The following MAGI3 variants were observed in gnomAD, a reference collection of about 807,000 sequenced individuals.
MAGI3 encodes membrane associated guanylate kinase, WW and PDZ domain containing 3.
Under a neutral mutation model 121.8 loss-of-function variants are expected in MAGI3, and 43 were observed. The ratio of observed to expected loss-of-function variants is 0.35; its 90% confidence interval spans 0.28 to 0.46. The LOEUF (loss-of-function observed/expected upper bound fraction) is 0.46. Ranked by LOEUF, MAGI3 falls within the 20% of genes least tolerant of loss-of-function variation. The pLI, the probability that MAGI3 is intolerant of heterozygous loss-of-function variation, is 1.00. For synonymous variants in MAGI3, 553 were observed against 639.3 expected, an observed-to-expected ratio of 0.86 and a Z score of 2.04; for missense variants, 1,547 against 1,797.3, an observed-to-expected ratio of 0.86 and a Z score of 2.52.
intron 1 of MAGI3, among the ~76,000 whole-genome samples, chr1:113,469,384 C>A (rs1252489643): frequency 6.6e-6 from 1 of 152,110 alleles, no homozygotes; most frequent in Non-Finnish European, 1.5e-5. Flanking sequence ...ATGAATGAAT[C>A]CTGGGCAGTT....
chr1:113,560,355 C>T (rs1468868975), intron 2 of MAGI3, among the ~76,000 whole-genome samples: 1 of 151,320 alleles, frequency 6.6e-6, no homozygotes, highest in Non-Finnish European at 1.5e-5. Flanking sequence ...CTGCCTGAGT[C>T]ACAGAGCGAG....
intron 1 of MAGI3, among the ~76,000 whole-genome samples, chr1:113,460,768 C>T (rs1025000582): frequency 6.6e-6 from 1 of 151,654 alleles, no homozygotes; most frequent in African/African-American, 2.4e-5. Flanking sequence ...GAGATTGCGC[C>T]ACTGCACTCA....
intron 1 of MAGI3, among the ~76,000 whole-genome samples, chr1:113,462,836 G>C (rs895791800): frequency 3.3e-5 from 5 of 152,034 alleles, no homozygotes; most frequent in African/African-American, 1.2e-4. Flanking sequence ...TAAAAATATA[G>C]TTGGGAATAA....
intron 1 of MAGI3, among the ~76,000 whole-genome samples, chr1:113,413,787 A>G (rs540730642): frequency 4.5e-4 from 68 of 152,266 alleles, no homozygotes; most frequent in African/African-American, 1.6e-3. Flanking sequence ...GGCTGAGACG[A>G]TGGGGTTTTC....
At chr1:113,561,229 CAATTG>C (rs1196449716) in intron 2 of MAGI3, among the ~76,000 whole-genome samples, 4 of 152,192 alleles carry the variant, frequency 2.6e-5, no homozygotes, top group African/African-American at 9.7e-5. Flanking sequence ...CTATTCCAAA[CAATTG>C]AAAAGGAGGG....
intron 16 of MAGI3, among the ~76,000 whole-genome samples, chr1:113,664,572 G>C (rs1290050460): frequency 6.6e-6 from 1 of 152,110 alleles, no homozygotes; most frequent in East Asian, 1.9e-4. Flanking sequence ...TAAAAAAACA[G>C]TGTGAGAATT....
chr1:113,645,909 A>G (rs911975479), intron 11 of MAGI3, among the ~76,000 whole-genome samples: 42 of 152,294 alleles, frequency 2.8e-4, no homozygotes, highest in Middle Eastern at 3.4e-3. Context: ...ATATGCTACT[A>G]TGCTTTCCCT....
At chr1:113,394,326 G>A (rs191294943) in intron 1 of MAGI3, among the ~76,000 whole-genome samples, 323 of 152,130 alleles carry the variant, frequency 2.1e-3, no homozygotes, top group Non-Finnish European at 3.9e-3. Context: ...TACTTTGCCC[G>A]CTTATAGAAG....
At chr1:113,506,845 A>G (rs778312842) in intron 1 of MAGI3, among the ~76,000 whole-genome samples, 9 of 152,192 alleles carry the variant, frequency 5.9e-5, no homozygotes, top group Non-Finnish European at 1.2e-4. Flanking sequence ...GAAAGCAAGC[A>G]GGTGGGGAGT....
rs796174057 is a variant in MAGI3, at chr1:113,623,453, T to TACACACACACACACACACAC, written c.1360+475_1360+494dup. ...TAATACACATATATATACACACACA[T>TACACACACACACACACACAC]ACACACACACACACACACACACACA... On this transcript the variant is annotated intron_variant, in intron 9 of 20. Transcript: ENST00000307546. Among the ~76,000 whole-genome samples the TACACACACACACACACACAC allele has an allele frequency of 7.8e-3, 982 of 126,040 alleles. 16 individuals carry two copies. The highest frequency in any genetic ancestry group is 0.019 in the African/African-American group (592 of 31,526). 82.7% of individuals were successfully genotyped at this position (126,040 alleles called of 152,430 possible).
At chr1:113,559,145 C>T (rs1286173655) in intron 2 of MAGI3, among the ~76,000 whole-genome samples, 1 of 152,206 alleles carries the variant, frequency 6.6e-6, no homozygotes, top group African/African-American at 2.4e-5. Flanking sequence ...CCACCATAAA[C>T]AAGTCTGCAA....
chr1:113,628,813 G>T (rs1032892837), intron 9 of MAGI3, among the ~76,000 whole-genome samples: 2 of 152,052 alleles, frequency 1.3e-5, no homozygotes, highest in African/African-American at 4.8e-5. Flanking sequence ...TATGTTACTT[G>T]TTTCTTTTCT....
chr1:113,642,628 A>G (rs1652613016), intron 10 of MAGI3, 112 bp downstream of exon 10: 1 of 1,192,928 alleles, frequency 8.4e-7, no homozygotes, highest in Non-Finnish European at 1.2e-6. Flanking sequence ...ACTAGTAATT[A>G]GTGTGCATTT....
chr1:113,621,226 G>A (rs1443819318), intron 8 of MAGI3, among the ~76,000 whole-genome samples: 1 of 152,194 alleles, frequency 6.6e-6, no homozygotes, highest in Non-Finnish European at 1.5e-5. Context: ...AGGCCAGAAG[G>A]CAAGTAGGTG....
In MAGI3 at chr1:113,590,568, G is replaced by C; in HGVS notation, c.848G>C (p.Arg283Thr). 6.2e-7 allele frequency: 1 copy of C among 1,613,734 alleles called. No homozygotes were observed. The highest frequency in any genetic ancestry group is 1.1e-5 in the South Asian group (1 of 91,072). ...YNQTNSSMDFRNYMMRDETLE... is the reference protein window; with the variant it reads ...YNQTNSSMDFTNYMMRDETLE... ...CAAACAAATAGCTCCATGGACTTTA[G>C]AAATTATATGATGAGAGATGAGACT... The change falls in exon 5 of 21, where the codon AGA (arginine) becomes ACA (threonine). Residue 283 changes from arginine (R) to threonine (T), a missense_variant. By Grantham distance (71) the Arg-to-Thr change is moderately conservative. Transcript: ENST00000307546.
At chr1:113,493,428 G>C (rs531587608) in intron 1 of MAGI3, among the ~76,000 whole-genome samples, 198 of 152,202 alleles carry the variant, frequency 1.3e-3, no homozygotes, top group Non-Finnish European at 1.9e-3. Flanking sequence ...TAAAAACGTT[G>C]GAAGACAACG....
At chr1:113,556,758 A>C (rs1660009990) in intron 2 of MAGI3, among the ~76,000 whole-genome samples, 1 of 151,808 alleles carries the variant, frequency 6.6e-6, no homozygotes, top group Non-Finnish European at 1.5e-5. Context: ...TAGAGACGAC[A>C]TCTTGCTATG....
At chr1:113,508,290 C>T (rs1204496769) in intron 1 of MAGI3, among the ~76,000 whole-genome samples, 2 of 152,152 alleles carry the variant, frequency 1.3e-5, no homozygotes, top group Non-Finnish European at 2.9e-5. Context: ...CAGAGGTGAA[C>T]TCTGTGAAGT....
At position 113,685,635 on chromosome 1, in the gene MAGI3, T is replaced by TTTA. The variant is rs1432198436; in HGVS notation, c.*1627_*1629dup. ...TAAGAATTTAGTACCACAGAAATTA[T>TTTA]TTATTATTTTCCCTGTAGTCCACAA... On this transcript the variant is annotated 3_prime_UTR_variant, in exon 21 of 21. Coordinates refer to ENST00000307546, the MANE Select transcript of MAGI3 (RefSeq NM_001142782.2). 2 of 152,216 alleles carry TTTA rather than the reference T, an allele frequency of 1.3e-5. No individual in the cohort carries two copies. The highest frequency in any genetic ancestry group is 2.1e-4 in the South Asian group (1 of 4,826). The allele number at this position is 152,216 out of a possible 1,614,324, so 9.4% of individuals were successfully genotyped here.
Sources: gnomAD v4.1 joint callset for allele counts (sites outside exome capture counted in the v4.1 genomes callset) on GRCh38, gnomAD v4.1.1 for gene constraint, MANE v1.5 for transcripts, NCBI Gene and HGNC (gene_info 2026-07-23, HGNC 2026-07-21) for gene names.